DDX21: variants seen among roughly 807,000 people sequenced by gnomAD.
The protein encoded by DDX21 is nucleolar RNA helicase 2.
Under a neutral mutation model 90.0 loss-of-function variants are expected in DDX21, and 18 were observed. The ratio of observed to expected loss-of-function variants is 0.20; its 90% CI spans 0.14 to 0.30. The LOEUF is 0.30. Ranked by LOEUF, DDX21 falls within the 10% of genes least tolerant of loss-of-function variation. The pLI is 1.00. For missense variants in DDX21, 673 were observed against 944.5 expected, an observed-to-expected ratio of 0.71 and a Z score of 3.77; for synonymous variants, 294 against 318.0, an observed-to-expected ratio of 0.92 and a Z score of 0.80.
At chr10:68,972,198 C>A in intron 9 of DDX21, 146 bp downstream of exon 9, 2 of 925,840 alleles carry the variant, frequency 2.2e-6, no homozygotes, top group Non-Finnish European at 3.2e-6. Flanking sequence ...GAGAATGAAC[C>A]TGTTATCAGA....
chr10:68,960,168 G>A lies in DDX21; in HGVS notation c.450G>A (p.Leu150=). The change falls in exon 2 of 15, where the codon CTG becomes CTA. Residue 150 remains leucine (L), a synonymous_variant. Transcript: ENST00000354185. ...NGETREKSPK[L]KNGFPHPEPD... ...AAACTAGAGAGAAAAGCCCCAAACT[G>A]AAGAATGGATTTCCTCATCCTGAAC... 1 of 1,613,950 alleles carries A rather than the reference G, an allele frequency of 6.2e-7. No individual in the cohort carries two copies. Among genetic ancestry groups the A allele is most frequent in the Non-Finnish European group, 8.5e-7 (1 of 1,179,962 alleles).
chr10:68,982,942 T>G lies in DDX21; in HGVS notation c.*130T>G, dbSNP rs1843216353. ...ACCACTTGCCAAGTCCCTGTCTCTT[T>G]CAGACACAGACAAGCTTCATTTAAA... On this transcript the variant is annotated 3_prime_UTR_variant, in exon 15 of 15. Coordinates refer to ENST00000354185, the MANE Select transcript of DDX21 (RefSeq NM_004728.4). 3 of 1,116,066 alleles carry G rather than the reference T, an allele frequency of 2.7e-6. No homozygotes were observed. The highest frequency in any genetic ancestry group is 3.8e-6 in the Non-Finnish European group (3 of 793,152). The allele number at this position is 1,116,066 out of a possible 1,614,324, so 69.1% of individuals were successfully genotyped here.
At chr10:68,963,198 G>A in intron 3 of DDX21, 93 bp from the exon 4 acceptor site, 1 of 1,290,758 alleles carries the variant, frequency 7.7e-7, no homozygotes, top group Non-Finnish European at 1.1e-6. Context: ...TAATTCTGCA[G>A]GACCAGAAGC....
At chr10:68,979,139 C>G (rs1397648048) in intron 13 of DDX21, among the ~76,000 whole-genome samples, 163 bp downstream of exon 13, 1 of 152,212 alleles carries the variant, frequency 6.6e-6, no homozygotes, top group East Asian at 1.9e-4. Context: ...CTGCCACTGA[C>G]AACTACTGTA....
intron 7 of DDX21, among the ~76,000 whole-genome samples, 199 bp from the exon 8 acceptor site, chr10:68,970,002 C>G (rs1345479035): frequency 6.6e-6 from 1 of 152,188 alleles, no homozygotes; most frequent in Non-Finnish European, 1.5e-5. Flanking sequence ...ATGGGCAGAT[C>G]ATGTTGCTTT....
At chr10:68,979,088 T>A (rs557547736) in intron 13 of DDX21, 112 bp downstream of exon 13, 5 of 1,451,626 alleles carry the variant, frequency 3.4e-6, no homozygotes, top group Non-Finnish European at 4.7e-6. Flanking sequence ...CACTCTCTCA[T>A]CTTCCCTGGG....
intron 11 of DDX21, among the ~76,000 whole-genome samples, chr10:68,976,695 GT>G (rs1564629724): frequency 6.6e-6 from 1 of 152,154 alleles, no homozygotes. Context: ...GAGAGTTGGG[GT>G]TAGATGGCCA....
intron 13 of DDX21, among the ~76,000 whole-genome samples, chr10:68,980,386 T>G (rs1843168924): frequency 6.6e-6 from 1 of 152,198 alleles, no homozygotes; most frequent in Admixed American, 6.5e-5. Flanking sequence ...GCAGGTAAAC[T>G]TTTACCTTGC....
intron 2 of DDX21, among the ~76,000 whole-genome samples, chr10:68,961,759 A>G (rs577997820): frequency 3.3e-4 from 50 of 152,296 alleles, no homozygotes; most frequent in Admixed American, 5.2e-4. Context: ...CCATCAGTAT[A>G]TTGTTGATTA....
intron 5 of DDX21, among the ~76,000 whole-genome samples, chr10:68,966,733 G>A (rs116969388): frequency 0.058 from 8,794 of 152,178 alleles, 306 homozygotes; most frequent in Middle Eastern, 0.11. Context: ...GACCCACCAC[G>A]CCCGGCTGCA....
intron 2 of DDX21, among the ~76,000 whole-genome samples, chr10:68,960,709 C>T (rs192185622): frequency 3.9e-5 from 6 of 151,992 alleles, no homozygotes; most frequent in African/African-American, 7.2e-5. Context: ...GTGATCTGCC[C>T]GCCTGGGCCT....
At chr10:68,981,436 A>C in intron 13 of DDX21, 101 bp from the exon 14 acceptor site, 1 of 1,118,222 alleles carries the variant, frequency 8.9e-7, no homozygotes, top group East Asian at 2.4e-5. Flanking sequence ...TTTTTGCTTT[A>C]TGTTTTTTGT....
chr10:68,960,453 C>G (rs1589282456), intron 2 of DDX21, among the ~76,000 whole-genome samples: 1 of 151,172 alleles, frequency 6.6e-6, no homozygotes, highest in Non-Finnish European at 1.5e-5. Context: ...TAAGAGTACT[C>G]TGTCTTTTTT....
chr10:68,972,394 GT>G (rs1693375378), intron 9 of DDX21, among the ~76,000 whole-genome samples: 1 of 152,178 alleles, frequency 6.6e-6, no homozygotes, highest in Admixed American at 6.5e-5. Context: ...GAAAGGGCCT[GT>G]AATTAACCTC....
In DDX21 at chr10:68,959,894, A is replaced by G. The variant is rs1228270395; in HGVS notation, c.176A>G (p.Lys59Arg). The G allele has an allele frequency of 6.2e-7, 1 of 1,604,048 alleles. No homozygotes were observed. The highest frequency in any genetic ancestry group is 1.1e-5 in the South Asian group (1 of 87,212). Residue 59 changes from lysine to arginine, a missense_variant, in exon 2 of 15, where the codon AAA becomes AGA. By Grantham distance (26) the Lys-to-Arg change is conservative (BLOSUM62 2). Transcript: ENST00000354185. Reference protein sequence around the residue: ...ETVFPKAKQVKKKAEPSEVDM... With the variant: ...ETVFPKAKQVRKKAEPSEVDM... ...GTTTTCCCCAAAGCTAAACAAGTTA[A>G]AAAGAAAGCAGAGCCTTCTGAAGTT...
Position 68,960,182 on chromosome 10 carries a change from C to T in DDX21, c.464C>T (p.Pro155Leu). ...EKSPKLKNGF[P>L]HPEPDCNPSE... is the part of the protein sequence containing the mutation. ...AGCCCCAAACTGAAGAATGGATTTC[C>T]TCATCCTGAACCGGACTGTAACCCC... is the stretch of plus-strand genomic sequence containing the variant. Residue 155 changes from proline (P) to leucine (L), a missense_variant, in exon 2 of 15, where the codon CCT becomes CTT. Transcript: ENST00000354185. The T allele has an allele frequency of 2.5e-6, 4 of 1,613,526 alleles. No individual in the cohort carries two copies. The highest frequency in any genetic ancestry group is 3.4e-6 in the Non-Finnish European group (4 of 1,179,886).
In DDX21 at chr10:68,964,767, C is replaced by T. The variant is rs1379735052; in HGVS notation, c.787-610C>T. ...CTCGCAGGTTTAAGTGATCCTCCCG[C>T]CTCAACATCCCAAGTAGTTGGGATT... On this transcript the variant is annotated intron_variant, in intron 4 of 14. Transcript: ENST00000354185. Among the ~76,000 whole-genome samples, 5 of 150,988 alleles carry T rather than the reference C, an allele frequency of 3.3e-5. No individual in the cohort carries two copies. In the Admixed American group the frequency reaches 3.3e-4, roughly 10 times the overall value.
chr10:68,964,335 C>A (rs1190871559), intron 4 of DDX21, among the ~76,000 whole-genome samples: 1 of 152,168 alleles, frequency 6.6e-6, no homozygotes, highest in Non-Finnish European at 1.5e-5. Context: ...CTTCCAGTGT[C>A]CATGCTCCCC....
chr10:68,969,370 C>T (rs957696175), intron 7 of DDX21, among the ~76,000 whole-genome samples: 3 of 152,186 alleles, frequency 2.0e-5, no homozygotes, highest in African/African-American at 7.2e-5. Flanking sequence ...ACCTCCACCT[C>T]CCAGGTTCAA....
Sources: gnomAD v4.1 joint callset for allele counts (sites outside exome capture counted in the v4.1 genomes callset) on GRCh38, gnomAD v4.1.1 for gene constraint, MANE v1.5 for transcripts, NCBI Gene and HGNC (gene_info 2026-07-23, HGNC 2026-07-21) for gene names.